Variants in CDYL observed in about 807,000 individuals in gnomAD.
The protein encoded by CDYL is chromodomain Y like.
Under a neutral mutation model 47.3 loss-of-function variants are expected in CDYL, and 8 were observed. The observed-to-expected ratio is 0.17, with a 90% CI of 0.10 to 0.31. The LOEUF is 0.31. CDYL is among the 10% of genes least tolerant of loss of function. The pLI is 1.00. For synonymous variants in CDYL, 266 were observed against 265.0 expected (o/e 1.00, Z -0.04); for missense variants, 471 against 701.4 (o/e 0.67, Z 3.71).
intron 1 of CDYL, among the ~76,000 whole-genome samples, chr6:4,792,097 T>C: frequency 6.6e-6 from 1 of 151,258 alleles, no homozygotes; most frequent in Non-Finnish European, 1.5e-5. Flanking sequence ...TTTCACCATG[T>C]TAGCCAGGAT....
rs988471852 is a variant in CDYL, at chr6:4,777,026, G to C, written c.24+219G>C. 2.9e-4 allele frequency among the ~76,000 whole-genome samples: 44 copies of C among 149,284 alleles called. 1 individual carries two copies. Among genetic ancestry groups the C allele is most frequent in the African/African-American group, 1.0e-3 (42 of 41,066 alleles). On this transcript the variant is annotated intron_variant, in intron 1 of 6. Transcript: ENST00000397588. ...CCTGAAGTTGCCGGGCGTGGGGTGGGGGGGGGGGTCCCAGCCGTGGGGAAG... is the reference window on the plus strand; with the variant it reads ...CCTGAAGTTGCCGGGCGTGGGGTGGCGGGGGGGGTCCCAGCCGTGGGGAAG...
intron 3 of CDYL, among the ~76,000 whole-genome samples, chr6:4,756,580 ATGTGTGTGTGTGTGTGTG>A (rs4053260): frequency 1.4e-5 from 2 of 142,812 alleles, no homozygotes; most frequent in Non-Finnish European, 3.1e-5. Context: ...TATCGTGTGT[ATGTGTGTGTGTGTGTGTG>A]TGTGTGTGTG....
At chr6:4,753,211 T>C (rs1190248709) in intron 3 of CDYL, among the ~76,000 whole-genome samples, 1 of 152,122 alleles carries the variant, frequency 6.6e-6, no homozygotes, top group Non-Finnish European at 1.5e-5. Context: ...GTGCCTGGCC[T>C]AATATGTGTA....
chr6:4,902,676 T>G (rs950724146), intron 2 of CDYL, among the ~76,000 whole-genome samples: 3 of 152,152 alleles, frequency 2.0e-5, no homozygotes, highest in Non-Finnish European at 4.4e-5. Context: ...TATCTCACCT[T>G]TTACACATCA....
chr6:4,829,571 C>T (rs186016023), intron 1 of CDYL, among the ~76,000 whole-genome samples: 4 of 152,208 alleles, frequency 2.6e-5, no homozygotes, highest in African/African-American at 9.6e-5. Flanking sequence ...TTTCCCCTTA[C>T]ACCCACATGC....
At chr6:4,891,674 T>G in intron 1 of CDYL, 39 bp from the exon 2 acceptor site, 1 of 1,520,234 alleles carries the variant, frequency 6.6e-7, no homozygotes, top group Non-Finnish European at 8.8e-7. Flanking sequence ...CCCCCAAATT[T>G]TGATTTTTTT....
At chr6:4,890,942 T>C (rs1762024830) in intron 1 of CDYL, among the ~76,000 whole-genome samples, 1 of 152,230 alleles carries the variant, frequency 6.6e-6, no homozygotes, top group South Asian at 2.1e-4. Flanking sequence ...TTCATGTGAG[T>C]AGCGGAAGAT....
chr6:4,825,958 G>T (rs926247916), intron 1 of CDYL, among the ~76,000 whole-genome samples: 1 of 152,124 alleles, frequency 6.6e-6, no homozygotes, highest in African/African-American at 2.4e-5. Flanking sequence ...GGGTGGAAGT[G>T]ATGGGGGTAA....
At chr6:4,842,040 A>C (rs1291170369) in intron 1 of CDYL, among the ~76,000 whole-genome samples, 5 of 144,690 alleles carry the variant, frequency 3.5e-5, no homozygotes. Context: ...TATATAATTT[A>C]TATATATTAT....
chr6:4,899,732 C>T (rs1756960809), intron 2 of CDYL, among the ~76,000 whole-genome samples: 1 of 152,130 alleles, frequency 6.6e-6, no homozygotes, highest in Non-Finnish European at 1.5e-5. Context: ...AAAAATAATC[C>T]GTATTCAAAA....
intron 1 of CDYL, among the ~76,000 whole-genome samples, chr6:4,786,117 C>T (rs1010184463): frequency 1.3e-4 from 20 of 152,122 alleles, no homozygotes; most frequent in African/African-American, 1.9e-4. Flanking sequence ...GTTCTCCAGA[C>T]GGCAGAGGAG....
Position 4,935,613 on chromosome 6 carries a change from G to T in CDYL, c.790G>T (p.Asp264Tyr), listed in dbSNP as rs769274205. 6.2e-7 allele frequency: 1 copy of T among 1,614,090 alleles called. No homozygotes were observed. The highest frequency in any genetic ancestry group is 8.5e-7 in the Non-Finnish European group (1 of 1,180,054). ...TGCCAGCAAAAGGAAATTTATTGAC[G>T]ACAGAAGAGACCAGCCTTTTGACAA... Reference protein sequence around the residue: ...VTASKRKFIDDRRDQPFDKRL... With the variant: ...VTASKRKFIDYRRDQPFDKRL... The change falls in exon 3 of 7, where the codon GAC (aspartate) becomes TAC (tyrosine). Residue 264 changes from aspartate (D) to tyrosine (Y), a missense_variant. Asp to Tyr is a radical substitution (Grantham distance 160). Coordinates refer to ENST00000397588, the MANE Select transcript of CDYL (RefSeq NM_004824.4).
chr6:4,764,872 A>G (rs1300604981), intron 3 of CDYL, among the ~76,000 whole-genome samples: 2 of 152,194 alleles, frequency 1.3e-5, no homozygotes, highest in African/African-American at 4.8e-5. Context: ...CATATATATA[A>G]TAGAGAGAAA....
Position 4,814,792 on chromosome 6 carries a change from G to T in CDYL, c.24+37985G>T, listed in dbSNP as rs771072349. On this transcript the variant is annotated intron_variant, in intron 1 of 6. Transcript: ENST00000397588. ...CCCGCCTCAGCCTCCCAAAGTGCTG[G>T]AATTACAGGTGGGAGCCACCCCACC... is the stretch of plus-strand genomic sequence containing the variant. Among the ~76,000 whole-genome samples the T allele has an allele frequency of 1.1e-4, 17 of 152,312 alleles. 1 individual carries two copies. The highest frequency in any genetic ancestry group is 7.8e-4 in the Admixed American group (12 of 15,296).
chr6:4,925,612 T>A (rs9392641), intron 2 of CDYL, among the ~76,000 whole-genome samples: 10,253 of 151,930 alleles, frequency 0.067, 430 homozygotes, highest in East Asian at 0.13. Flanking sequence ...GAGGCGGGGT[T>A]TCACCGTGTC....
At chr6:4,842,179 AAATT>A (rs987688459) in intron 1 of CDYL, among the ~76,000 whole-genome samples, 187 of 144,516 alleles carry the variant, frequency 1.3e-3, no homozygotes, top group Non-Finnish European at 2.2e-3. Flanking sequence ...ATTATATAAT[AAATT>A]ATTAATATAA....
chr6:4,724,523 G>C (rs528565934), intron 2 of CDYL: 2 of 152,448 alleles, frequency 1.3e-5, no homozygotes, highest in African/African-American at 2.4e-5. Context: ...TGATGCCGCA[G>C]ACCCTCGCTC....
chr6:4,770,271 T>C (rs963701489), intron 3 of CDYL, among the ~76,000 whole-genome samples: 5 of 152,304 alleles, frequency 3.3e-5, no homozygotes, highest in Middle Eastern at 3.4e-3. Context: ...AAGTATTTAT[T>C]GAGTGACTAT....
intron 6 of CDYL, 26 bp downstream of exon 6, chr6:4,952,435 G>T (rs746768779): frequency 1.9e-6 from 3 of 1,579,382 alleles, no homozygotes; most frequent in African/African-American, 2.7e-5. Context: ...TCTGTTACAC[G>T]TTACTTTTTA....
Sources: gnomAD v4.1 joint callset for allele counts (sites outside exome capture counted in the v4.1 genomes callset) on GRCh38, gnomAD v4.1.1 for gene constraint, MANE v1.5 for transcripts, NCBI Gene and HGNC (gene_info 2026-07-23, HGNC 2026-07-21) for gene names.